The following CAMK1G variants were observed in gnomAD, a reference collection of about 807,000 sequenced individuals.
CAMK1G encodes the protein calcium/calmodulin dependent protein kinase IG.
Under a neutral mutation model 54.8 loss-of-function variants are expected in CAMK1G, and 27 were observed. That is an observed-to-expected ratio of 0.49 (90% CI 0.36 to 0.68). The LOEUF (loss-of-function observed/expected upper bound fraction) is 0.68, where lower values mean the gene tolerates loss of function less well. Ranked by LOEUF, CAMK1G falls within the 30% of genes least tolerant of loss-of-function variation. The pLI is 0.00. For synonymous variants in CAMK1G, 238 were observed against 224.9 expected (o/e 1.06, Z -0.52); for missense variants, 512 against 591.0 (o/e 0.87, Z 1.39).
chr1:209,593,013 G>C (rs1221366157), intron 1 of CAMK1G, among the ~76,000 whole-genome samples: 1 of 152,080 alleles, frequency 6.6e-6, no homozygotes, highest in African/African-American at 2.4e-5. Flanking sequence ...AAATAAAAAA[G>C]AAACAACTGT....
intron 1 of CAMK1G, among the ~76,000 whole-genome samples, chr1:209,586,901 A>G (rs1202886052): frequency 6.6e-6 from 1 of 152,152 alleles, no homozygotes; most frequent in East Asian, 1.9e-4. Context: ...GTAAACCATA[A>G]GCAACACATA....
In CAMK1G at chr1:209,613,070, A is replaced by T. The variant is rs1426348793; in HGVS notation, c.*68A>T. Reference sequence around the variant, plus strand: ...ATATTCAACTCCTCTGCTCTTCCAAACCTGGTGTCTATCCGGCAGAGGGAG... The same window carrying T: ...ATATTCAACTCCTCTGCTCTTCCAATCCTGGTGTCTATCCGGCAGAGGGAG... On this transcript the variant is annotated 3_prime_UTR_variant, in exon 13 of 13. Coordinates refer to ENST00000361322, the MANE Select transcript of CAMK1G (RefSeq NM_020439.3). 5.6e-6 allele frequency: 3 copies of T among 537,428 alleles called. No individual in the cohort carries two copies. Among genetic ancestry groups the T allele is most frequent in the Non-Finnish European group, 6.8e-6 (2 of 295,334 alleles). The allele number at this position is 537,428 out of a possible 1,614,324, so 33.3% of individuals were successfully genotyped here. A position where few individuals can be genotyped will look rare whatever the true frequency, so the allele number is the denominator to read the frequency against.
rs901799454 is a variant in CAMK1G at position 209,606,258 on chromosome 1, G to A, written c.436-62G>A. 1.0e-5 allele frequency: 16 copies of A among 1,585,000 alleles called. No individual in the cohort carries two copies. The East Asian group carries it at 3.4e-4, about 34-fold the overall frequency. ...ATCTTCCTGTGAAATTTTGTATCAA[G>A]GGGAAGGAAAATACTTGCTTCAGGT... On this transcript the variant is annotated intron_variant, in intron 5 of 12. Transcript: ENST00000361322.
Position 209,613,167 on chromosome 1 carries a change from G to T in CAMK1G, c.*165G>T. ...CAGAAGCACCAGCCTGCTGCCAGCG[G>T]GGCAGCCCCTCATAGGAGGCCCAGG... On this transcript the variant is annotated 3_prime_UTR_variant, in exon 13 of 13. Transcript: ENST00000361322. 3.0e-6 allele frequency: 1 copy of T among 331,336 alleles called. No individual in the cohort carries two copies. The highest frequency in any genetic ancestry group is 5.8e-6 in the Non-Finnish European group (1 of 171,744). The allele number at this position is 331,336 out of a possible 1,614,324, so 20.5% of individuals were successfully genotyped here. A position where few individuals can be genotyped will look rare whatever the true frequency, so the allele number is the denominator to read the frequency against.
chr1:209,612,733 G>A (rs2272880), intron 11 of CAMK1G, 52 bp from the exon 12 acceptor site: 971,338 of 1,487,184 alleles, frequency 0.65, 321,260 homozygotes, highest in African/African-American at 0.86. Flanking sequence ...CTGCCCCATC[G>A]ACTCTTCTTC....
At chr1:209,611,427 G>T in intron 9 of CAMK1G, 38 bp from the exon 10 acceptor site, 1 of 1,601,866 alleles carries the variant, frequency 6.2e-7, no homozygotes, top group Non-Finnish European at 8.6e-7. Context: ...AGTGTAAATA[G>T]CCACCCAGTA....
At chr1:209,584,611 C>T (rs1665047746) in intron 1 of CAMK1G, among the ~76,000 whole-genome samples, 1 of 152,184 alleles carries the variant, frequency 6.6e-6, no homozygotes, top group Admixed American at 6.5e-5. Flanking sequence ...AACATTAACC[C>T]TGAGGCTCCC....
chr1:209,610,076 G>A (rs1485329530), intron 9 of CAMK1G, 147 bp downstream of exon 9: 19 of 708,764 alleles, frequency 2.7e-5, no homozygotes, highest in Non-Finnish European at 3.8e-5. Context: ...TGTTCATCAG[G>A]CCCAGGTAGA....
intron 12 of CAMK1G, 35 bp from the exon 13 acceptor site, chr1:209,613,005 A>T: frequency 1.5e-6 from 1 of 660,638 alleles, no homozygotes; most frequent in Non-Finnish European, 2.7e-6. Context: ...TGAGGTGGCA[A>T]CCCCCTCCTC....
chr1:209,603,299 G>T lies in CAMK1G; in HGVS notation c.296+11G>T. 6.2e-7 allele frequency: 1 copy of T among 1,610,868 alleles called. No homozygotes were observed. Among genetic ancestry groups the T allele is most frequent in the Non-Finnish European group, 8.5e-7 (1 of 1,177,108 alleles). ...CCTGGTCATGCAGCTGTAAGTAAAA[G>T]GTGACTTGCTTCCTTCACAGAGGCC... On this transcript the variant is annotated intron_variant, in intron 4 of 12. Coordinates refer to ENST00000361322, the MANE Select transcript of CAMK1G (RefSeq NM_020439.3).
intron 3 of CAMK1G, among the ~76,000 whole-genome samples, chr1:209,602,660 A>T (rs1357138001): frequency 6.6e-6 from 1 of 152,244 alleles, no homozygotes; most frequent in East Asian, 1.9e-4. Context: ...TTTTTTAAAT[A>T]TTATGTAAAA....
At chr1:209,599,609 G>C (rs1037013977) in intron 2 of CAMK1G, among the ~76,000 whole-genome samples, 1 of 152,200 alleles carries the variant, frequency 6.6e-6, no homozygotes, top group Non-Finnish European at 1.5e-5. Context: ...CTCAACTTCA[G>C]TCAATTGAAC....
Position 209,595,089 on chromosome 1 carries a change from C to T in CAMK1G, c.92+14C>T. 6.2e-7 allele frequency: 1 copy of T among 1,605,022 alleles called. No homozygotes were observed. The highest frequency in any genetic ancestry group is 8.5e-7 in the Non-Finnish European group (1 of 1,172,064). ...AGTGCTGGGATCGTAAGTCCTGGGG[C>T]TGTGAGGTCGGGTGGGCTGGGCTGC... On this transcript the variant is annotated intron_variant, in intron 2 of 12. Transcript: ENST00000361322.
chr1:209,608,853 G>C, intron 7 of CAMK1G, 127 bp from the exon 8 acceptor site: 1 of 1,349,398 alleles, frequency 7.4e-7, no homozygotes, highest in Non-Finnish European at 1.0e-6. Flanking sequence ...CTGCGTCCTG[G>C]TCACACCACT....
chr1:209,604,025 T>TACAC (rs374648933), intron 4 of CAMK1G, among the ~76,000 whole-genome samples: 1 of 151,628 alleles, frequency 6.6e-6, no homozygotes, highest in Non-Finnish European at 1.5e-5. Context: ...GTTTATAAAG[T>TACAC]ACACACACAC....
chr1:209,591,975 T>C (rs1322464291), intron 1 of CAMK1G, among the ~76,000 whole-genome samples: 2 of 152,168 alleles, frequency 1.3e-5, no homozygotes, highest in African/African-American at 4.8e-5. Flanking sequence ...AAATGTTTAA[T>C]GACAGGTCTT....
intron 4 of CAMK1G, among the ~76,000 whole-genome samples, chr1:209,604,729 G>C (rs1250285580): frequency 1.3e-5 from 2 of 152,152 alleles, no homozygotes; most frequent in Non-Finnish European, 2.9e-5. Flanking sequence ...CACTATCTTT[G>C]TATACTTGAA....
At chr1:209,592,414 G>A in intron 1 of CAMK1G, among the ~76,000 whole-genome samples, 1 of 149,382 alleles carries the variant, frequency 6.7e-6, no homozygotes, top group East Asian at 2.0e-4. Context: ...ATTAACACCA[G>A]AGAGGTGCAC....
chr1:209,611,447 C>G lies in CAMK1G; in HGVS notation c.828-18C>G. The G allele has an allele frequency of 6.2e-7, 1 of 1,613,248 alleles. No individual in the cohort carries two copies. The highest frequency in any genetic ancestry group is 8.5e-7 in the Non-Finnish European group (1 of 1,179,322). ...AAATAGCCACCCAGTAGCCAGGTGT[C>G]CCCTCTTACATCCACAGGATTGACG... On this transcript the variant is annotated intron_variant, in intron 9 of 12. Coordinates refer to ENST00000361322, the MANE Select transcript of CAMK1G (RefSeq NM_020439.3).
Sources: gnomAD v4.1 joint callset for allele counts (sites outside exome capture counted in the v4.1 genomes callset) on GRCh38, gnomAD v4.1.1 for gene constraint, MANE v1.5 for transcripts, NCBI Gene and HGNC (gene_info 2026-07-23, HGNC 2026-07-21) for gene names.